The following MAPK12 variants were observed in gnomAD, a reference collection of about 807,000 sequenced individuals.
The protein encoded by MAPK12 is MAP kinase 12.
Under a neutral mutation model 49.1 loss-of-function variants are expected in MAPK12, and 49 were observed. The observed-to-expected ratio is 1.00, with a 90% CI of 0.79 to 1.27. The LOEUF (loss-of-function observed/expected upper bound fraction) is 1.27, where lower values mean the gene tolerates loss of function less well. MAPK12 is among the 50% of genes most tolerant of loss of function. MAPK12 has a pLI of 0.00. For missense variants in MAPK12, 554 were observed against 502.4 expected (o/e 1.10, Z -0.98); for synonymous variants, 251 against 209.7 (o/e 1.20, Z -1.70).
Position 50,256,130 on chromosome 22 carries a change from G to T in MAPK12, c.574C>A (p.Arg192=), listed in dbSNP as rs147362308. Residue 192 remains arginine (R), a synonymous_variant, in exon 7 of 12, where the codon CGG becomes AGG. Coordinates refer to ENST00000215659, the MANE Select transcript of MAPK12 (RefSeq NM_002969.6). ...CAATTCAAGATGACCTCGGGAGCCC[G>T]GTACCACCGGGTCACCACGTACCCA... ...MTGYVVTRWY[R]APEVILNWMR... 6.2e-7 allele frequency: 1 copy of T among 1,612,734 alleles called. No individual in the cohort carries two copies. Among genetic ancestry groups the T allele is most frequent in the South Asian group, 1.1e-5 (1 of 91,080 alleles).
intron 2 of MAPK12, among the ~76,000 whole-genome samples, chr22:50,259,206 T>TA (rs1569143728): frequency 1.3e-5 from 2 of 151,832 alleles, no homozygotes; most frequent in Non-Finnish European, 2.9e-5. Flanking sequence ...GCCAGAGCCA[T>TA]GGGCAAGAAT....
At position 50,256,925 on chromosome 22, in the gene MAPK12, C is replaced by A. The variant is rs559524437; in HGVS notation, c.456+10G>T. The A allele has an allele frequency of 1.9e-6, 3 of 1,605,160 alleles. No homozygotes were observed. Among genetic ancestry groups the A allele is most frequent in the Non-Finnish European group, 2.5e-6 (3 of 1,177,712 alleles). On this transcript the variant is annotated intron_variant, in intron 5 of 11. Coordinates refer to ENST00000215659, the MANE Select transcript of MAPK12 (RefSeq NM_002969.6). ...GAGGGCTGATGAGCGGCTTCTCCAC[C>A]GGGACTCACTCTGTGGATGATGCCG... is the stretch of plus-strand genomic sequence containing the variant.
chr22:50,257,776 G>C (rs113449113), intron 3 of MAPK12: 2 of 700,222 alleles, frequency 2.9e-6, no homozygotes, highest in Non-Finnish European at 5.3e-6. Flanking sequence ...GGCCTTCCTC[G>C]GCCTGGCCCT....
chr22:50,260,604 G>A (rs1817548359), intron 2 of MAPK12, among the ~76,000 whole-genome samples: 1 of 152,166 alleles, frequency 6.6e-6, no homozygotes, highest in African/African-American at 2.4e-5. Context: ...CACGCCCAGT[G>A]CTCCTCAAAC....
At position 50,255,549 on chromosome 22, in the gene MAPK12, G is replaced by GT; in HGVS notation, c.772-19dup. 3 of 1,613,140 alleles carry GT rather than the reference G, an allele frequency of 1.9e-6. No individual in the cohort carries two copies. Among genetic ancestry groups the GT allele is most frequent in the Non-Finnish European group, 2.5e-6 (3 of 1,180,002 alleles). On this transcript the variant is annotated intron_variant, in intron 9 of 11. Coordinates refer to ENST00000215659, the MANE Select transcript of MAPK12 (RefSeq NM_002969.6). The stretch of plus-strand genomic sequence containing the variant: ...TTCTTGGCCTGTGTGGGAAGAAAGG[G>GT]TGAGGGGCCAACACCAAGGCCCAGG...
At chr22:50,253,502 G>GGAGGC in intron 11 of MAPK12, 22 bp from the exon 12 acceptor site, 4 of 171,682 alleles carry the variant, frequency 2.3e-5, no homozygotes, top group South Asian at 4.5e-5. Context: ...GGGGGGGCGG[G>GGAGGC]CACAACAGAG....
intron 3 of MAPK12, chr22:50,257,607 G>C: frequency 1.8e-6 from 1 of 561,932 alleles, no homozygotes; most frequent in South Asian, 2.1e-5. Context: ...AGAAATGAGG[G>C]AGGTGCCTGG....
chr22:50,260,316 G>A (rs1460602879), intron 2 of MAPK12, among the ~76,000 whole-genome samples: 5 of 152,014 alleles, frequency 3.3e-5, no homozygotes, highest in Non-Finnish European at 5.9e-5. Flanking sequence ...GACCCAGGAG[G>A]GTCCAGAGCA....
At chr22:50,260,677 T>C (rs2065202554) in intron 2 of MAPK12, among the ~76,000 whole-genome samples, 1 of 152,158 alleles carries the variant, frequency 6.6e-6, no homozygotes, top group Non-Finnish European at 1.5e-5. Context: ...CCCTGCGTTC[T>C]GGCGCCCCCC....
chr22:50,253,406 G>T lies in MAPK12; in HGVS notation c.1099C>A (p.Leu367Met). 6.5e-7 allele frequency: 1 copy of T among 1,549,140 alleles called. No individual in the cohort carries two copies. The highest frequency in any genetic ancestry group is 8.7e-7 in the Non-Finnish European group (1 of 1,146,156). The stretch of plus-strand genomic sequence containing the variant: ...ACCCCGGAGCCCAGAGATCTTCACA[G>T]AGGCGTCTCCTTGGAGACCCTGGCC... Reference protein sequence around the residue: ...LGARVSKETPL With the variant: ...LGARVSKETPM Residue 367 changes from leucine to methionine, a missense_variant, in exon 12 of 12, where the codon CTG (leucine) becomes ATG (methionine). Physicochemically the swap from Leu to Met is conservative, Grantham distance 15. Coordinates refer to ENST00000215659, the MANE Select transcript of MAPK12 (RefSeq NM_002969.6).
In MAPK12 at chr22:50,261,666, T is replaced by G; in HGVS notation, c.-157A>C. 3 of 821,580 alleles carry G rather than the reference T, an allele frequency of 3.7e-6. No homozygotes were observed. Among genetic ancestry groups the G allele is most frequent in the Non-Finnish European group, 4.4e-6 (3 of 681,378 alleles). The allele number at this position is 821,580 out of a possible 1,614,324, so 50.9% of individuals were successfully genotyped here. On this transcript the variant is annotated 5_prime_UTR_variant, in exon 1 of 12. Coordinates refer to ENST00000215659, the MANE Select transcript of MAPK12 (RefSeq NM_002969.6). ...GCTGGGGCGCTCCCGCTCCCGGCCC[T>G]TCCCTCAGGGATGTCCCAGGTGCCG...
At chr22:50,258,767 G>A (rs545778501) in intron 2 of MAPK12, among the ~76,000 whole-genome samples, 6 of 152,372 alleles carry the variant, frequency 3.9e-5, no homozygotes, top group Admixed American at 2.6e-4. Context: ...CCTGGTTGGG[G>A]AGATAGACAG....
At chr22:50,254,658 C>T in intron 11 of MAPK12, 1 of 1,012,192 alleles carries the variant, frequency 9.9e-7, no homozygotes, top group Non-Finnish European at 1.2e-6. Flanking sequence ...TCTCAAAAAA[C>T]AAAAATGGGG....
intron 2 of MAPK12, 101 bp downstream of exon 2, chr22:50,261,066 A>C: frequency 7.7e-7 from 1 of 1,301,412 alleles, no homozygotes; most frequent in Non-Finnish European, 1.0e-6. Context: ...CCGGCCCCAC[A>C]GCAGGCTGCC....
chr22:50,259,017 G>C (rs1244640501), intron 2 of MAPK12, among the ~76,000 whole-genome samples: 1 of 152,252 alleles, frequency 6.6e-6, no homozygotes, highest in Non-Finnish European at 1.5e-5. Context: ...GGAGAGGCCA[G>C]AGGGAGCCGG....
rs779244181 is a variant in MAPK12 at position 50,255,571 on chromosome 22, C to G, written c.772-40G>C. 48 of 1,612,746 alleles carry G rather than the reference C, an allele frequency of 3.0e-5. 1 individual carries two copies. Among genetic ancestry groups the G allele is most frequent in the Non-Finnish European group, 3.6e-5 (43 of 1,179,800 alleles). ...AGGGTGAGGGGCCAACACCAAGGCC[C>G]AGGTCCGCCCCCACCCCCACCCAGC... On this transcript the variant is annotated intron_variant, in intron 9 of 11. Transcript: ENST00000215659.
chr22:50,253,485 C>T lies in MAPK12; in HGVS notation c.1025-5G>A, dbSNP rs200633339. The T allele has an allele frequency of 3.3e-3, 314 of 94,216 alleles. 1 individual carries two copies. The highest frequency in any genetic ancestry group is 5.7e-3 in the African/African-American group (12 of 2,094). 5.8% of individuals were successfully genotyped at this position (94,216 alleles called of 1,614,324 possible). A position where few individuals can be genotyped will look rare whatever the true frequency, so the allele number is the denominator to read the frequency against. On this transcript the variant is annotated splice_polypyrimidine_tract_variant and splice_region_variant and intron_variant, in intron 11 of 11. Transcript: ENST00000215659. ...GCACCTCTTTGTAAGTAACACCTGG[C>T]GGGGGTGGGGGGGCGGGCACAACAG... is the stretch of plus-strand genomic sequence containing the variant.
chr22:50,253,502 G>GGGGGGGGGGGACC, intron 11 of MAPK12, 22 bp from the exon 12 acceptor site: 1 of 171,686 alleles, frequency 5.8e-6, no homozygotes, highest in Non-Finnish European at 1.1e-5. Flanking sequence ...GGGGGGGCGG[G>GGGGGGGGGGGACC]CACAACAGAG....
At chr22:50,257,461 G>A in intron 3 of MAPK12, 1 of 555,372 alleles carries the variant, frequency 1.8e-6, no homozygotes, top group Non-Finnish European at 3.2e-6. Flanking sequence ...AGGCTGCCTT[G>A]GGGTTTTTGA....
Sources: allele counts gnomAD v4.1 joint callset (sites outside exome capture counted in the v4.1 genomes callset), GRCh38; gene constraint gnomAD v4.1.1; transcripts MANE v1.5; gene names NCBI Gene and HGNC (gene_info 2026-07-23, HGNC 2026-07-21).